Variants in KCNT1 observed in about 807,000 individuals in gnomAD.
KCNT1 encodes potassium sodium-activated channel subfamily T member 1.
A neutral mutation model predicts 147.8 loss-of-function variants in KCNT1; 78 were observed. The observed-to-expected ratio is 0.53, with a 90% CI of 0.44 to 0.64. KCNT1 has a LOEUF of 0.64. Ranked by LOEUF, KCNT1 falls within the 30% of genes least tolerant of loss-of-function variation. The probability of loss-of-function intolerance (pLI) is 0.00; values close to 1 mark genes in which losing one functional copy is unlikely to be tolerated. For synonymous variants in KCNT1, 867 were observed against 748.8 expected (o/e 1.16, Z -2.58); for missense variants, 1,419 against 1,750.3 (o/e 0.81, Z 3.38).
intron 24 of KCNT1, among the ~76,000 whole-genome samples, chr9:135,780,380 G>C (rs1003495406): frequency 1.3e-5 from 2 of 152,136 alleles, no homozygotes; most frequent in African/African-American, 4.8e-5. Flanking sequence ...GCCAGGCCCG[G>C]CCTGGCCACC....
At chr9:135,736,134 G>A (rs1830326376) in intron 2 of KCNT1, among the ~76,000 whole-genome samples, 2 of 152,162 alleles carry the variant, frequency 1.3e-5, no homozygotes, top group South Asian at 4.1e-4. Flanking sequence ...CCCTGGTGAG[G>A]ACAGGCAAAC....
At chr9:135,743,336 C>A (rs1355204903) in intron 2 of KCNT1, among the ~76,000 whole-genome samples, 1 of 152,186 alleles carries the variant, frequency 6.6e-6, no homozygotes, top group Non-Finnish European at 1.5e-5. Flanking sequence ...CCTGCGCACT[C>A]CTGGGAAGCC....
At chr9:135,769,729 A>T (rs914022865) in intron 15 of KCNT1, among the ~76,000 whole-genome samples, 3 of 152,126 alleles carry the variant, frequency 2.0e-5, no homozygotes, top group Admixed American at 6.5e-5. Flanking sequence ...GAGCTGGGAG[A>T]GAAGCACAGG....
Position 135,775,283 on chromosome 9 carries a change from G to C in KCNT1, c.2244-27G>C, listed in dbSNP as rs754983853. ...GACCCAGCCACCTCTGTGCAGCTGT[G>C]CTGAGGGCTCCTGTCTCCTGCCCCA... On this transcript the variant is annotated intron_variant, in intron 19 of 30. Coordinates refer to ENST00000371757, the MANE Select transcript of KCNT1 (RefSeq NM_020822.3). The C allele has an allele frequency of 2.5e-6, 4 of 1,571,242 alleles. No homozygotes were observed. The African/African-American group carries it at 4.1e-5, about 16-fold the overall frequency.
Position 135,784,896 on chromosome 9 carries a change from G to A in KCNT1, c.3156+7G>A. 1.2e-6 allele frequency: 2 copies of A among 1,611,352 alleles called. No homozygotes were observed. The highest frequency in any genetic ancestry group is 1.7e-6 in the Non-Finnish European group (2 of 1,179,746). ...CGTCTTCTCCACCTCGGAGGTTCTG[G>A]GGCAGCCTGGGGGCTGGGACTGTGG... On this transcript the variant is annotated splice_region_variant and intron_variant, in intron 27 of 30. Transcript: ENST00000371757.
intron 2 of KCNT1, among the ~76,000 whole-genome samples, chr9:135,733,141 T>A (rs906907168): frequency 3.3e-5 from 5 of 151,854 alleles, no homozygotes; most frequent in Non-Finnish European, 5.9e-5. Context: ...CAGTTCTTAC[T>A]ATGCTTGTTT....
At chr9:135,780,617 G>A (rs1382611383) in intron 24 of KCNT1, among the ~76,000 whole-genome samples, 1 of 152,208 alleles carries the variant, frequency 6.6e-6, no homozygotes, top group Non-Finnish European at 1.5e-5. Flanking sequence ...GGCGTAGGGG[G>A]ATGCTCGGGC....
At chr9:135,766,121 C>T (rs1419626985) in intron 13 of KCNT1, among the ~76,000 whole-genome samples, 1 of 150,874 alleles carries the variant, frequency 6.6e-6, no homozygotes, top group East Asian at 2.0e-4. Context: ...CAGGGTAGAC[C>T]TTCTGGGATG....
intron 4 of KCNT1, 33 bp downstream of exon 4, chr9:135,751,074 CG>C (rs1831136314): frequency 6.3e-7 from 1 of 1,583,168 alleles, no homozygotes; most frequent in South Asian, 1.1e-5. Context: ...CGCGGGGTCC[CG>C]GGTCCCAGGG....
rs201607354 is a variant in KCNT1 at position 135,726,830 on chromosome 9, ACTCTCTCCCTGT to A, written c.254+12121_254+12132del. Among the ~76,000 whole-genome samples, 235 of 26,880 alleles carry A rather than the reference ACTCTCTCCCTGT, an allele frequency of 8.7e-3. 3 individuals carry two copies. Among genetic ancestry groups the A allele is most frequent in the African/African-American group, 0.032 (207 of 6,448 alleles). 17.6% of individuals were successfully genotyped at this position (26,880 alleles called of 152,430 possible). ...CTCTCCCTCTCTTTCCCATTCTCTC[ACTCTCTCCCTGT>A]CTCTCTCCCTCCCTCTCCCTCTCTC... is the stretch of plus-strand genomic sequence containing the variant. On this transcript the variant is annotated intron_variant, in intron 2 of 30. Coordinates refer to ENST00000371757, the MANE Select transcript of KCNT1 (RefSeq NM_020822.3).
intron 21 of KCNT1, 52 bp from the exon 22 acceptor site, chr9:135,778,372 G>A: frequency 1.3e-6 from 2 of 1,502,418 alleles, no homozygotes; most frequent in Non-Finnish European, 1.8e-6. Flanking sequence ...TGGGCCTGAG[G>A]AGGGCAGGCC....
intron 11 of KCNT1, 33 bp downstream of exon 11, chr9:135,759,892 C>T (rs775984244): frequency 6.4e-7 from 1 of 1,562,176 alleles, no homozygotes; most frequent in East Asian, 2.3e-5. Flanking sequence ...CTGGGTGGCA[C>T]CAGCAAAGGG....
Position 135,770,289 on chromosome 9 carries a change from G to C in KCNT1, c.1620-9G>C, listed in dbSNP as rs755424700. 5 of 1,586,244 alleles carry C rather than the reference G, an allele frequency of 3.2e-6. No individual in the cohort carries two copies. Among genetic ancestry groups the C allele is most frequent in the Non-Finnish European group, 4.3e-6 (5 of 1,164,358 alleles). On this transcript the variant is annotated splice_polypyrimidine_tract_variant and intron_variant, in intron 16 of 30. Coordinates refer to ENST00000371757, the MANE Select transcript of KCNT1 (RefSeq NM_020822.3). ...GGTGACGCTCCCCTGGCCCCGCCCT[G>C]GCCCACAGGGAGGGACAGGAGTCTC...
At chr9:135,787,477 C>T (rs1834152857) in intron 29 of KCNT1, among the ~76,000 whole-genome samples, 1 of 152,232 alleles carries the variant, frequency 6.6e-6, no homozygotes, top group Non-Finnish European at 1.5e-5. Flanking sequence ...TCAGGGCTGC[C>T]TCTGTCCCGT....
chr9:135,784,825 C>T lies in KCNT1; in HGVS notation c.3092C>T (p.Ser1031Phe), dbSNP rs750371003. The T allele has an allele frequency of 6.2e-7, 1 of 1,612,866 alleles. No individual in the cohort carries two copies. The highest frequency in any genetic ancestry group is 1.3e-5 in the African/African-American group (1 of 75,052). Residue 1031 changes from serine (S) to phenylalanine (F), a missense_variant, in exon 27 of 31, where the codon TCC becomes TTC. Around this residue, in one of 5 missense-constraint regions of KCNT1, gnomAD observed 247 missense variants for 397.1 expected, o/e 0.62. Coordinates refer to ENST00000371757, the MANE Select transcript of KCNT1 (RefSeq NM_020822.3). ...TYGRLFQKLC[S>F]SSAEIPIGIY... ...GGCCGCCTCTTCCAGAAGCTCTGCT[C>T]CTCCAGCGCCGAGATCCCCATTGGC...
At chr9:135,757,857 C>A (rs11103168) in intron 9 of KCNT1, among the ~76,000 whole-genome samples, 35,143 of 152,184 alleles carry the variant, frequency 0.23, 4,289 homozygotes, top group Middle Eastern at 0.34. Context: ...AGGCGCCCAC[C>A]CTCTCCAAGC....
intron 2 of KCNT1, among the ~76,000 whole-genome samples, chr9:135,748,588 G>A (rs1485884268): frequency 6.6e-6 from 1 of 152,222 alleles, no homozygotes; most frequent in Non-Finnish European, 1.5e-5. Context: ...GGAAGGGGTT[G>A]AGGCAGGAAC....
chr9:135,740,639 A>G (rs1361811380), intron 2 of KCNT1, among the ~76,000 whole-genome samples: 1 of 152,222 alleles, frequency 6.6e-6, no homozygotes, highest in Non-Finnish European at 1.5e-5. Flanking sequence ...TGCCCTAAGC[A>G]GGGCTGAGAC....
At chr9:135,762,890 C>G (rs553463819) in intron 11 of KCNT1, among the ~76,000 whole-genome samples, 2 of 152,362 alleles carry the variant, frequency 1.3e-5, no homozygotes, top group South Asian at 4.1e-4. Flanking sequence ...ATGGGTATGG[C>G]CATGGTGACA....
Sources: gnomAD v4.1 joint callset for allele counts (sites outside exome capture counted in the v4.1 genomes callset) on GRCh38, gnomAD v4.1.1 for gene constraint, gnomAD v4.1.1 regional missense constraint, MANE v1.5 for transcripts, NCBI Gene and HGNC (gene_info 2026-07-23, HGNC 2026-07-21) for gene names.